Variants in INA observed in about 807,000 individuals in gnomAD.
INA encodes internexin neuronal intermediate filament protein alpha.
A neutral mutation model predicts 40.1 loss-of-function variants in INA; 35 were observed. The observed-to-expected ratio is 0.87, with a 90% CI of 0.67 to 1.16. INA has a LOEUF of 1.16. Ranked by LOEUF, INA falls within the 50% of genes most tolerant of loss-of-function variation. The pLI is 0.00. For synonymous variants in INA, 290 were observed against 316.9 expected (o/e 0.92, Z 0.90); for missense variants, 594 against 686.7 (o/e 0.87, Z 1.51).
chr10:103,286,605 G>A (rs1224640344), intron 1 of INA, among the ~76,000 whole-genome samples: 1 of 151,866 alleles, frequency 6.6e-6, no homozygotes, highest in Non-Finnish European at 1.5e-5. Flanking sequence ...AATCTAAGCT[G>A]CTAACCTGAG....
At chr10:103,288,225 T>A in intron 2 of INA, 135 bp from the exon 3 acceptor site, 1 of 773,602 alleles carries the variant, frequency 1.3e-6, no homozygotes, top group Non-Finnish European at 2.1e-6. Context: ...AAATTAAATA[T>A]TTATTGGTTT....
intron 1 of INA, among the ~76,000 whole-genome samples, chr10:103,283,885 G>T (rs1193677616): frequency 6.6e-6 from 1 of 151,372 alleles, no homozygotes; most frequent in East Asian, 1.9e-4. Flanking sequence ...AGAGTAGCTG[G>T]GATTACAGGC....
In INA at chr10:103,284,458, A is replaced by G. The variant is rs187333595; in HGVS notation, c.1066-2577A>G. Among the ~76,000 whole-genome samples, 34 of 152,242 alleles carry G rather than the reference A, an allele frequency of 2.2e-4. 1 individual carries two copies. The highest frequency in any genetic ancestry group is 1.4e-3 in the Admixed American group (21 of 15,282). The stretch of plus-strand genomic sequence containing the variant: ...AGCAACAGAAAATAAACTAGTATAA[A>G]CCAGTAAATTGCCGGGGCCGGACAC... On this transcript the variant is annotated intron_variant, in intron 1 of 2. Transcript: ENST00000369849.
In INA at chr10:103,278,012, G is replaced by C. The variant is rs1322133134; in HGVS notation, c.801G>C (p.Glu267Asp). ...AKPDLTSALREIRAQYESLAA... is the reference protein window; with the variant it reads ...AKPDLTSALRDIRAQYESLAA... ...CAGACCTGACCTCGGCTCTGAGGGA[G>C]ATCCGCGCCCAGTATGAGTCCCTGG... Residue 267 changes from glutamate (E) to aspartate (D), a missense_variant, in exon 1 of 3, where the codon GAG (glutamate) becomes GAC (aspartate). Physicochemically the swap from Glu to Asp is conservative, Grantham distance 45. Transcript: ENST00000369849. The surrounding 1 kb of genome is among the most constrained non-coding windows in gnomAD (Gnocchi z 4.9). 1 of 1,607,236 alleles carries C rather than the reference G, an allele frequency of 6.2e-7. No homozygotes were observed. Among genetic ancestry groups the C allele is most frequent in the Non-Finnish European group, 8.5e-7 (1 of 1,177,242 alleles).
Position 103,277,158 on chromosome 10 carries a change from C to T in INA, c.-54C>T. 2.0e-6 allele frequency: 3 copies of T among 1,514,170 alleles called. No homozygotes were observed. The highest frequency in any genetic ancestry group is 2.6e-6 in the Non-Finnish European group (3 of 1,137,468). The allele number at this position is 1,514,170 out of a possible 1,614,324, so 93.8% of individuals were successfully genotyped here. On this transcript the variant is annotated 5_prime_UTR_variant, in exon 1 of 3. Coordinates refer to ENST00000369849, the MANE Select transcript of INA (RefSeq NM_032727.4). The surrounding 1 kb of genome is among the most constrained non-coding windows in gnomAD (Gnocchi z 5.6). ...GCCGCGCCCTGCCTGCCGCACCTCT[C>T]CTTTCTTCTGTAGCTCGCGTTGAAG...
chr10:103,286,384 A>G (rs2093086161), intron 1 of INA, among the ~76,000 whole-genome samples: 1 of 150,422 alleles, frequency 6.6e-6, no homozygotes, highest in East Asian at 1.9e-4. Flanking sequence ...CTGCTCAAGG[A>G]CTATAAATAT....
At chr10:103,283,391 C>A (rs2093076905) in intron 1 of INA, among the ~76,000 whole-genome samples, 1 of 152,232 alleles carries the variant, frequency 6.6e-6, no homozygotes, top group East Asian at 1.9e-4. Flanking sequence ...TAGGAACTAT[C>A]AGGTAAAATT....
Position 103,284,110 on chromosome 10 carries a change from C to CT in INA, c.1066-2910dup, listed in dbSNP as rs751503632. On this transcript the variant is annotated intron_variant, in intron 1 of 2. Coordinates refer to ENST00000369849, the MANE Select transcript of INA (RefSeq NM_032727.4). Reference sequence around the variant, plus strand: ...TAAAAATAACCCCCAATCATTGTGTCTTTTTTTTTTTTTTTAAGACGGGGT... The same window carrying CT: ...TAAAAATAACCCCCAATCATTGTGTCTTTTTTTTTTTTTTTTAAGACGGGGT... 1.8e-3 allele frequency among the ~76,000 whole-genome samples: 243 copies of CT among 135,070 alleles called. 2 individuals carry two copies. The highest frequency in any genetic ancestry group is 3.0e-3 in the African/African-American group (112 of 36,738). The allele number at this position is 135,070 out of a possible 152,430, so 88.6% of individuals were successfully genotyped here.
Position 103,288,420 on chromosome 10 carries a change from G to A in INA, c.1251G>A (p.Leu417=). 6.2e-7 allele frequency: 1 copy of A among 1,613,548 alleles called. No homozygotes were observed. Among genetic ancestry groups the A allele is most frequent in the Non-Finnish European group, 8.5e-7 (1 of 1,179,904 alleles). ...FSTSGLSISG[L]NPLPNPSYLL... Reference sequence around the variant, plus strand: ...CCAGTGGGTTAAGCATTTCGGGGCTGAATCCACTTCCCAATCCAAGTTACC... The same window carrying A: ...CCAGTGGGTTAAGCATTTCGGGGCTAAATCCACTTCCCAATCCAAGTTACC... Residue 417 remains leucine (L), a synonymous_variant, in exon 3 of 3, where the codon CTG becomes CTA. Coordinates refer to ENST00000369849, the MANE Select transcript of INA (RefSeq NM_032727.4).
chr10:103,289,493 A>G lies in INA; in HGVS notation c.*824A>G, dbSNP rs2093094818. The G allele has an allele frequency of 6.5e-6, 1 of 152,698 alleles. No individual in the cohort carries two copies. Among genetic ancestry groups the G allele is most frequent in the Non-Finnish European group, 1.5e-5 (1 of 68,054 alleles). The allele number at this position is 152,698 out of a possible 1,614,324, so 9.5% of individuals were successfully genotyped here. ...TACACAAATCTATTTAATTAGGAAA[A>G]AAACTATTAAGGATGTAGCTTTTCA... On this transcript the variant is annotated 3_prime_UTR_variant, in exon 3 of 3. Transcript: ENST00000369849.
intron 1 of INA, chr10:103,280,660 CTTACA>C: frequency 2.0e-6 from 2 of 985,430 alleles, no homozygotes; most frequent in Non-Finnish European, 2.4e-6. Flanking sequence ...GAGAAAGCTT[CTTACA>C]CTTTTGAAAG....
Position 103,288,346 on chromosome 10 carries a change from T to C in INA, c.1191-14T>C, listed in dbSNP as rs552941392. On this transcript the variant is annotated splice_polypyrimidine_tract_variant and intron_variant, in intron 2 of 2. Transcript: ENST00000369849. ...TATTGACTTCCTAAGAGTTTTTCTC[T>C]GTTGAATTTACAGGAAACTGCTGGA... is the stretch of plus-strand genomic sequence containing the variant. The C allele has an allele frequency of 5.1e-6, 8 of 1,581,046 alleles. No individual in the cohort carries two copies. The South Asian group carries it at 8.0e-5, about 16-fold the overall frequency.
Position 103,286,947 on chromosome 10 carries a change from T to C in INA, c.1066-88T>C, listed in dbSNP as rs938460815. 1.7e-5 allele frequency: 23 copies of C among 1,354,506 alleles called. No homozygotes were observed. The African/African-American group carries it at 1.7e-4, about 10-fold the overall frequency. 83.9% of individuals were successfully genotyped at this position (1,354,506 alleles called of 1,614,324 possible). A position where few individuals can be genotyped will look rare whatever the true frequency, so the allele number is the denominator to read the frequency against. On this transcript the variant is annotated intron_variant, in intron 1 of 2. Transcript: ENST00000369849. ...AAGTTCATTAGATGATTTTAATGTG[T>C]AGTCAGGGCTGGGAATCCTTGCCTT...
intron 1 of INA, among the ~76,000 whole-genome samples, chr10:103,279,173 T>C (rs1192462928): frequency 1.3e-5 from 2 of 152,134 alleles, no homozygotes; most frequent in South Asian, 2.1e-4. Context: ...GGTCACCTCA[T>C]AGACAACATC....
rs950877604 is a variant in INA, at chr10:103,278,374, G to T, written c.1065+98G>T. The stretch of plus-strand genomic sequence containing the variant: ...CTGGGCCCCAGGACTTAAGGGGAGG[G>T]CAAAAGAGAGGAGAGAAGAGCCGCG... On this transcript the variant is annotated intron_variant, in intron 1 of 2. Transcript: ENST00000369849. This position sits in a 1 kb window ranked among gnomAD's most constrained non-coding sequence, Gnocchi z 4.9. The T allele has an allele frequency of 1.4e-5, 14 of 1,003,124 alleles. No homozygotes were observed. Among genetic ancestry groups the T allele is most frequent in the African/African-American group, 8.2e-5 (5 of 61,086 alleles). The allele number at this position is 1,003,124 out of a possible 1,614,324, so 62.1% of individuals were successfully genotyped here.
At chr10:103,279,876 C>T in intron 1 of INA, 1 of 1,155,994 alleles carries the variant, frequency 8.7e-7, no homozygotes, top group Non-Finnish European at 1.1e-6. Flanking sequence ...TCATTATGTA[C>T]CCTAACCCCT....
At position 103,277,434 on chromosome 10, in the gene INA, C is replaced by G. The variant is rs1264506664; in HGVS notation, c.223C>G (p.Leu75Val). 1 of 1,571,454 alleles carries G rather than the reference C, an allele frequency of 6.4e-7. No individual in the cohort carries two copies. The highest frequency in any genetic ancestry group is 8.6e-7 in the Non-Finnish European group (1 of 1,163,708). Residue 75 changes from leucine (L) to valine (V), a missense_variant, in exon 1 of 3, where the codon CTG becomes GTG. Transcript: ENST00000369849. This position sits in a 1 kb window ranked among gnomAD's most constrained non-coding sequence, Gnocchi z 5.6. ...TCGCCGGCCGCCGGCGTCCGACGGGCTGGACCTGAGCCAGGCGGCGGCGCG... is the reference window on the plus strand; with the variant it reads ...TCGCCGGCCGCCGGCGTCCGACGGGGTGGACCTGAGCCAGGCGGCGGCGCG... ...AYRRPPASDG[L>V]DLSQAAARTN...
intron 2 of INA, among the ~76,000 whole-genome samples, chr10:103,287,880 C>T (rs1400118456): frequency 2.6e-5 from 4 of 152,020 alleles, no homozygotes; most frequent in Admixed American, 6.6e-5. Flanking sequence ...TTTGTTATTG[C>T]TGGTTCTATT....
rs571978383 is a variant in INA, at chr10:103,283,753, T to C, written c.1066-3282T>C. ...GTTTATCTGCATCACTGTTTCTTTTTTTTTTTTTTTTTTTGAGATGGAGTT... is the reference window on the plus strand; with the variant it reads ...GTTTATCTGCATCACTGTTTCTTTTCTTTTTTTTTTTTTTGAGATGGAGTT... On this transcript the variant is annotated intron_variant, in intron 1 of 2. Coordinates refer to ENST00000369849, the MANE Select transcript of INA (RefSeq NM_032727.4). Among the ~76,000 whole-genome samples the C allele has an allele frequency of 5.3e-3, 788 of 148,710 alleles. 3 individuals are homozygous for C. The highest frequency in any genetic ancestry group is 8.8e-3 in the Admixed American group (132 of 15,024).
Sources: gnomAD v4.1 joint callset for allele counts (sites outside exome capture counted in the v4.1 genomes callset) on GRCh38, gnomAD v4.1.1 for gene constraint, Gnocchi (gnomAD v3.1) non-coding constraint, MANE v1.5 for transcripts, NCBI Gene and HGNC (gene_info 2026-07-23, HGNC 2026-07-21) for gene names.